Variants in SHC2 observed in about 807,000 individuals in gnomAD.
SHC2 encodes SHC-transforming protein 2.
A neutral mutation model predicts 60.6 loss-of-function variants in SHC2; 62 were observed. That is an observed-to-expected ratio of 1.02 (90% CI 0.83 to 1.26). SHC2 has a LOEUF of 1.26. SHC2 is among the 50% of genes most tolerant of loss of function. The pLI is 0.00. For synonymous variants in SHC2, 375 were observed against 372.4 expected, an observed-to-expected ratio of 1.01 and a Z score of -0.08; for missense variants, 873 against 822.2, an observed-to-expected ratio of 1.06 and a Z score of -0.76.
rs911987163 is a variant in SHC2 at position 416,731 on chromosome 19, T to A, written c.*597A>T. ...GTCCTTCCCCTGCTCCCAGGTGGAG[T>A]AGGGGCCTCACGACTGCCTCGATAT... On this transcript the variant is annotated 3_prime_UTR_variant, in exon 13 of 13. Coordinates refer to ENST00000264554, the MANE Select transcript of SHC2 (RefSeq NM_012435.3). 2.0e-5 allele frequency: 3 copies of A among 150,846 alleles called. No individual in the cohort carries two copies. 9.3% of individuals were successfully genotyped at this position (150,846 alleles called of 1,614,324 possible).
chr19:418,657 C>T (rs766349533), intron 12 of SHC2, among the ~76,000 whole-genome samples: 18 of 152,222 alleles, frequency 1.2e-4, no homozygotes, highest in Non-Finnish European at 2.1e-4. Context: ...AGGACAGGCC[C>T]ATCCACAGAG....
chr19:419,553 G>C (rs900898872), intron 11 of SHC2: 1 of 152,502 alleles, frequency 6.6e-6, no homozygotes, highest in African/African-American at 2.4e-5. Flanking sequence ...ACCAGCGGGC[G>C]CCGGGAGGGG....
chr19:425,604 A>G lies in SHC2; in HGVS notation c.1175-373T>C, dbSNP rs1386697016. ...GTATGTTCAGTCTCCACATTTAAAA[A>G]TAATCACAGTAACTCTGCTTCCCTG... On this transcript the variant is annotated intron_variant, in intron 9 of 12. Coordinates refer to ENST00000264554, the MANE Select transcript of SHC2 (RefSeq NM_012435.3). The surrounding 1 kb of genome is among the most constrained non-coding windows in gnomAD (Gnocchi z 4.1). Among the ~76,000 whole-genome samples the G allele has an allele frequency of 6.6e-6, 1 of 152,258 alleles. No individual in the cohort carries two copies. Among genetic ancestry groups the G allele is most frequent in the Non-Finnish European group, 1.5e-5 (1 of 68,050 alleles).
chr19:441,184 G>T lies in SHC2; in HGVS notation c.469-252C>A, dbSNP rs1974856905. 2 of 984,372 alleles carry T rather than the reference G, an allele frequency of 2.0e-6. No individual in the cohort carries two copies. Among genetic ancestry groups the T allele is most frequent in the African/African-American group, 3.5e-5 (2 of 57,126 alleles). 61.0% of individuals were successfully genotyped at this position (984,372 alleles called of 1,614,324 possible). On this transcript the variant is annotated intron_variant, in intron 1 of 12. Coordinates refer to ENST00000264554, the MANE Select transcript of SHC2 (RefSeq NM_012435.3). This position sits in a 1 kb window ranked among gnomAD's most constrained non-coding sequence, Gnocchi z 4.9. The stretch of plus-strand genomic sequence containing the variant: ...TCTCAGGAGCCTGGTGGTTCCCCCA[G>T]ACGCTCTATGCTGCTTGTTCATTTA...
chr19:456,907 A>ATCCCC (rs1452295410), intron 1 of SHC2, among the ~76,000 whole-genome samples: 2 of 132,030 alleles, frequency 1.5e-5, no homozygotes, highest in African/African-American at 3.2e-5. Flanking sequence ...TCTGTCTGTA[A>ATCCCC]ACCCACTGCG....
At chr19:455,119 C>T (rs1975306840) in intron 1 of SHC2, among the ~76,000 whole-genome samples, 1 of 152,250 alleles carries the variant, frequency 6.6e-6, no homozygotes. Flanking sequence ...TCCAGGTTGG[C>T]ATGAATTTCG....
At chr19:444,110 G>T (rs1974994784) in intron 1 of SHC2, among the ~76,000 whole-genome samples, 1 of 151,526 alleles carries the variant, frequency 6.6e-6, no homozygotes, top group African/African-American at 2.4e-5. Context: ...ACAGGTGGAT[G>T]GTTGGATGGG....
At chr19:442,898 A>AATGG (rs1974930400) in intron 1 of SHC2, among the ~76,000 whole-genome samples, 1 of 10,076 alleles carries the variant, frequency 9.9e-5, no homozygotes, top group African/African-American at 7.0e-4. Flanking sequence ...TGGGTGGATG[A>AATGG]ATGGATGGAT....
rs1012475471 is a variant in SHC2 at position 424,010 on chromosome 19, T to C, written c.1309+1087A>G. On this transcript the variant is annotated intron_variant, in intron 10 of 12. Transcript: ENST00000264554. The surrounding 1 kb of genome is among the most constrained non-coding windows in gnomAD (Gnocchi z 4.5). ...CAGCAGGCGCCCACTAGGTGCTAGA[T>C]GGTGTCATTATTGTGAAGCTGAGGA... Among the ~76,000 whole-genome samples, 1 of 152,042 alleles carries C rather than the reference T, an allele frequency of 6.6e-6. No homozygotes were observed. Among genetic ancestry groups the C allele is most frequent in the Non-Finnish European group, 1.5e-5 (1 of 68,000 alleles).
chr19:430,360 G>C (rs1283155345), intron 9 of SHC2, among the ~76,000 whole-genome samples: 1 of 151,128 alleles, frequency 6.6e-6, no homozygotes, highest in Non-Finnish European at 1.5e-5. Context: ...ACCTAATACC[G>C]TGTGGAAGAC....
chr19:425,185 C>CG lies in SHC2; in HGVS notation c.1220dup (p.Asp408GlyfsTer28). 5 of 1,344,830 alleles carry CG rather than the reference C, an allele frequency of 3.7e-6. No individual in the cohort carries two copies. Among genetic ancestry groups the CG allele is most frequent in the South Asian group, 2.3e-5 (1 of 43,042 alleles). The allele number at this position is 1,344,830 out of a possible 1,614,324, so 83.3% of individuals were successfully genotyped here. A position where few individuals can be genotyped will look rare whatever the true frequency, so the allele number is the denominator to read the frequency against. On this transcript the variant is annotated frameshift_variant, in exon 10 of 13. Transcript: ENST00000264554. LOFTEE classifies it high-confidence loss of function. This position sits in a 1 kb window ranked among gnomAD's most constrained non-coding sequence, Gnocchi z 4.1. ...TGACATACAGGTGCTCCTCGTGGTC[C>CG]GGGGGGCCCCGGGCGTCCGCCTGCA...
rs956488984 is a variant in SHC2, at chr19:425,990, T to C, written c.1175-759A>G. Among the ~76,000 whole-genome samples the C allele has an allele frequency of 2.7e-5, 4 of 150,830 alleles. No homozygotes were observed. Among genetic ancestry groups the C allele is most frequent in the Non-Finnish European group, 4.4e-5 (3 of 67,864 alleles). On this transcript the variant is annotated intron_variant, in intron 9 of 12. Coordinates refer to ENST00000264554, the MANE Select transcript of SHC2 (RefSeq NM_012435.3). The surrounding 1 kb of genome is among the most constrained non-coding windows in gnomAD (Gnocchi z 4.1). ...ATTGCAGTGAGCTGAGATTGTGCCA[T>C]TGCAGTCCAGCCTGGGCAACAGAAT...
intron 9 of SHC2, among the ~76,000 whole-genome samples, chr19:429,581 G>T (rs1226222098): frequency 1.4e-5 from 2 of 139,794 alleles, no homozygotes; most frequent in African/African-American, 5.4e-5. Flanking sequence ...TGTGGATGAC[G>T]CAGTACCTAT....
chr19:417,971 G>A (rs556746914), intron 12 of SHC2, among the ~76,000 whole-genome samples: 3 of 151,600 alleles, frequency 2.0e-5, no homozygotes, highest in Admixed American at 6.6e-5. Context: ...TCCCCCTGCC[G>A]GCCCTCCCTC....
Position 460,785 on chromosome 19 carries a change from C to G in SHC2, c.212G>C (p.Gly71Ala). The change falls in exon 1 of 13, where the codon GGC becomes GCC. Residue 71 changes from glycine to alanine, a missense_variant. Physicochemically the swap from Gly to Ala is moderately conservative, Grantham distance 60. Transcript: ENST00000264554. ...DPQPEPAGPG[G>A]VPALAAAVLG... ...GACGGCGGCCGCCAGCGCCGGGACGCCCCCCGGGCCCGCCGGCTCGGGTTG... is the reference window on the plus strand; with the variant it reads ...GACGGCGGCCGCCAGCGCCGGGACGGCCCCCGGGCCCGCCGGCTCGGGTTG... 6 of 978,912 alleles carry G rather than the reference C, an allele frequency of 6.1e-6. No homozygotes were observed. The highest frequency in any genetic ancestry group is 7.3e-6 in the Non-Finnish European group (6 of 827,008). 60.6% of individuals were successfully genotyped at this position (978,912 alleles called of 1,614,324 possible). A position where few individuals can be genotyped will look rare whatever the true frequency, so the allele number is the denominator to read the frequency against.
In SHC2 at chr19:453,607, G is replaced by C. The variant is rs1305827516; in HGVS notation, c.468+6922C>G. ...CTTTAGGGATGCTGTCGAGCCATGG[G>C]ATTCATCCACCGTGTCAACTGGCCA... On this transcript the variant is annotated intron_variant, in intron 1 of 12. Transcript: ENST00000264554. The surrounding 1 kb of genome is among the most constrained non-coding windows in gnomAD (Gnocchi z 6.3). Among the ~76,000 whole-genome samples the C allele has an allele frequency of 6.6e-6, 1 of 152,106 alleles. No homozygotes were observed. The highest frequency in any genetic ancestry group is 2.4e-5 in the African/African-American group (1 of 41,432).
rs370125945 is a variant in SHC2 at position 436,677 on chromosome 19, C to G, written c.727G>C (p.Ala243Pro). The change falls in exon 5 of 13, where the codon GCC becomes CCC. Residue 243 changes from alanine to proline, a missense_variant. By Grantham distance (27) the Ala-to-Pro change is conservative. Transcript: ENST00000264554. ...LSVPATRQVI[A>P]NHHMPSISFA... ...GAGATGGACGGCATGTGGTGGTTGG[C>G]GATGACCTGTGGCGGCAGGAGGCAC... The G allele has an allele frequency of 5.0e-6, 8 of 1,605,614 alleles. No individual in the cohort carries two copies. The highest frequency in any genetic ancestry group is 1.1e-5 in the South Asian group (1 of 90,526).
At chr19:430,247 GA>G (rs1363058336) in intron 9 of SHC2, among the ~76,000 whole-genome samples, 1 of 150,038 alleles carries the variant, frequency 6.7e-6, no homozygotes, top group Non-Finnish European at 1.5e-5. Flanking sequence ...AACGTGCACG[GA>G]AACCTAATAC....
In SHC2 at chr19:446,983, C is replaced by T. The variant is rs1412818725; in HGVS notation, c.469-6051G>A. ...TCATAGGCTTTGCCATGGTCTGTAT[C>T]GATGTCATTTACTTGGTATTTTCCT... On this transcript the variant is annotated intron_variant, in intron 1 of 12. Coordinates refer to ENST00000264554, the MANE Select transcript of SHC2 (RefSeq NM_012435.3). This position sits in a 1 kb window ranked among gnomAD's most constrained non-coding sequence, Gnocchi z 5.4. Among the ~76,000 whole-genome samples the T allele has an allele frequency of 6.6e-6, 1 of 152,186 alleles. No homozygotes were observed. The highest frequency in any genetic ancestry group is 1.5e-5 in the Non-Finnish European group (1 of 68,038).
Sources: gnomAD v4.1 joint callset for allele counts (sites outside exome capture counted in the v4.1 genomes callset) on GRCh38, gnomAD v4.1.1 for gene constraint, Gnocchi (gnomAD v3.1) non-coding constraint, MANE v1.5 for transcripts, NCBI Gene and HGNC (gene_info 2026-07-23, HGNC 2026-07-21) for gene names.